The following WNT8B variants were observed in gnomAD, a reference collection of about 807,000 sequenced individuals.
The protein encoded by WNT8B is protein Wnt-8b.
A neutral mutation model predicts 36.6 loss-of-function variants in WNT8B; 24 were observed. The observed-to-expected ratio is 0.66, with a 90% CI of 0.48 to 0.92. The LOEUF is 0.92. Ranked by LOEUF, WNT8B falls within the 40% of genes least tolerant of loss-of-function variation. WNT8B has a pLI of 0.00. For missense variants in WNT8B, 402 were observed against 470.8 expected, an observed-to-expected ratio of 0.85 and a Z score of 1.35; for synonymous variants, 199 against 189.8, an observed-to-expected ratio of 1.05 and a Z score of -0.40.
chr10:100,471,259 T>A (rs1291024602), intron 1 of WNT8B, among the ~76,000 whole-genome samples: 1 of 152,220 alleles, frequency 6.6e-6, no homozygotes, highest in African/African-American at 2.4e-5. Flanking sequence ...TCAAAACATA[T>A]CCCTGTCATG....
Position 100,481,027 on chromosome 10 carries a change from A to T in WNT8B, c.271A>T (p.Ile91Phe). 6.2e-7 allele frequency: 1 copy of T among 1,614,048 alleles called. No homozygotes were observed. Reference sequence around the variant, plus strand: ...TCGGGAGACAGCATTTGTGCATGCCATCAGTTCTGCTGGAGTCATGTACAC... The same window carrying T: ...TCGGGAGACAGCATTTGTGCATGCCTTCAGTTCTGCTGGAGTCATGTACAC... ...ANRETAFVHA[I>F]SSAGVMYTLT... The change falls in exon 4 of 6, where the codon ATC becomes TTC. Residue 91 changes from isoleucine to phenylalanine, a missense_variant. This residue lies in a region of WNT8B where 131 missense variants were observed against 152.6 expected (regional missense o/e 0.86). Transcript: ENST00000343737.
At chr10:100,472,838 C>T (rs1417050429) in intron 1 of WNT8B, among the ~76,000 whole-genome samples, 2 of 152,328 alleles carry the variant, frequency 1.3e-5, no homozygotes, top group East Asian at 3.9e-4. Context: ...ATAGCACTAA[C>T]CTCTGTGTAC....
At chr10:100,473,077 T>A (rs1182949048) in intron 1 of WNT8B, among the ~76,000 whole-genome samples, 2 of 152,200 alleles carry the variant, frequency 1.3e-5, no homozygotes, top group Non-Finnish European at 2.9e-5. Flanking sequence ...TATAGGCACT[T>A]ACTATGTTCA....
chr10:100,482,796 A>G lies in WNT8B; in HGVS notation c.1036A>G (p.Lys346Glu). 2 of 1,579,510 alleles carry G rather than the reference A, an allele frequency of 1.3e-6. No individual in the cohort carries two copies. Among genetic ancestry groups the G allele is most frequent in the Non-Finnish European group, 8.6e-7 (1 of 1,161,320 alleles). The change falls in exon 6 of 6, where the codon AAA (lysine) becomes GAA (glutamate). Residue 346 changes from lysine to glutamate, a missense_variant. By Grantham distance (56) the Lys-to-Glu change is moderately conservative. Around this residue, in one of 3 missense-constraint regions of WNT8B, gnomAD observed 256 missense variants for 278.6 expected, o/e 0.92. Transcript: ENST00000343737. The surrounding 1 kb of genome is among the most constrained non-coding windows in gnomAD (Gnocchi z 6.6). Reference protein sequence around the residue: ...AERPRGGAAHKPGRKP With the variant: ...AERPRGGAAHEPGRKP ...GCGGCCGCGGGGGGGCGCTGCGCAC[A>G]AACCCGGGAGAAAACCCTAAGGGTT...
chr10:100,482,400 G>A lies in WNT8B; in HGVS notation c.640G>A (p.Ala214Thr). 2.5e-6 allele frequency: 4 copies of A among 1,607,290 alleles called. No homozygotes were observed. Among genetic ancestry groups the A allele is most frequent in the Non-Finnish European group, 3.4e-6 (4 of 1,179,968 alleles). ...CGCGCACCTGAAGGAGAAGTACCAC[G>A]CAGCACTCAAGGTGGACCTGCTGCA... ...VGAHLKEKYH[A>T]ALKVDLLQGA... is the part of the protein sequence containing the mutation. Residue 214 changes from alanine (A) to threonine (T), a missense_variant, in exon 6 of 6, where the codon GCA becomes ACA. Physicochemically the swap from Ala to Thr is moderately conservative, Grantham distance 58. Around this residue, in one of 3 missense-constraint regions of WNT8B, gnomAD observed 256 missense variants for 278.6 expected, o/e 0.92. Transcript: ENST00000343737. The surrounding 1 kb of genome is among the most constrained non-coding windows in gnomAD (Gnocchi z 6.6).
rs1227225526 is a variant in WNT8B, at chr10:100,483,337, C to A, written c.*521C>A. On this transcript the variant is annotated 3_prime_UTR_variant, in exon 6 of 6. Coordinates refer to ENST00000343737, the MANE Select transcript of WNT8B (RefSeq NM_003393.4). ...TCTCTCCTCTTCTCCCTTTCCTTTC[C>A]CAGAAAAACTGAGGAAACTGGCCCC... is the stretch of plus-strand genomic sequence containing the variant. 1 of 152,604 alleles carries A rather than the reference C, an allele frequency of 6.6e-6. No homozygotes were observed. The highest frequency in any genetic ancestry group is 1.5e-5 in the Non-Finnish European group (1 of 68,386). 9.5% of individuals were successfully genotyped at this position (152,604 alleles called of 1,614,324 possible). A position where few individuals can be genotyped will look rare whatever the true frequency, so the allele number is the denominator to read the frequency against.
At position 100,482,019 on chromosome 10, in the gene WNT8B, G is replaced by A; in HGVS notation, c.475G>A (p.Ala159Thr). 1 of 1,614,202 alleles carries A rather than the reference G, an allele frequency of 6.2e-7. No individual in the cohort carries two copies. Among genetic ancestry groups the A allele is most frequent in the Non-Finnish European group, 8.5e-7 (1 of 1,180,022 alleles). Residue 159 changes from alanine (A) to threonine (T), a missense_variant, in exon 5 of 6, where the codon GCC (alanine) becomes ACC (threonine). Around this residue, in one of 3 missense-constraint regions of WNT8B, gnomAD observed 256 missense variants for 278.6 expected, o/e 0.92. Transcript: ENST00000343737. This position sits in a 1 kb window ranked among gnomAD's most constrained non-coding sequence, Gnocchi z 6.6. ...ALETGQDARA[A>T]MNLHNNEAGR... ...GGAAACAGGACAGGATGCACGGGCA[G>A]CCATGAACCTGCACAACAACGAGGC... is the stretch of plus-strand genomic sequence containing the variant.
chr10:100,482,920 G>C lies in WNT8B; in HGVS notation c.*104G>C, dbSNP rs757665236. The C allele has an allele frequency of 7.4e-5, 96 of 1,296,180 alleles. No individual in the cohort carries two copies. Among genetic ancestry groups the C allele is most frequent in the Non-Finnish European group, 9.5e-5 (93 of 973,850 alleles). 80.3% of individuals were successfully genotyped at this position (1,296,180 alleles called of 1,614,324 possible). ...TGGGGAACCCGCTCTCCCAGACCTA[G>C]GGATCCTGAGAGGGAGAGACTGCAA... is the stretch of plus-strand genomic sequence containing the variant. On this transcript the variant is annotated 3_prime_UTR_variant, in exon 6 of 6. Transcript: ENST00000343737. The surrounding 1 kb of genome is among the most constrained non-coding windows in gnomAD (Gnocchi z 6.6).
intron 3 of WNT8B, 101 bp downstream of exon 3, chr10:100,480,113 T>C (rs542546397): frequency 1.6e-4 from 220 of 1,385,838 alleles, no homozygotes; most frequent in Non-Finnish European, 2.0e-4. Context: ...CCTCACCTGC[T>C]CTCTTCTCTT....
rs1851149312 is a variant in WNT8B at position 100,483,710 on chromosome 10, A to C, written c.*894A>C. 6.6e-6 allele frequency: 1 copy of C among 152,192 alleles called. No homozygotes were observed. Among genetic ancestry groups the C allele is most frequent in the Admixed American group, 6.5e-5 (1 of 15,284 alleles). The allele number at this position is 152,192 out of a possible 1,614,324, so 9.4% of individuals were successfully genotyped here. A position where few individuals can be genotyped will look rare whatever the true frequency, so the allele number is the denominator to read the frequency against. On this transcript the variant is annotated 3_prime_UTR_variant, in exon 6 of 6. Coordinates refer to ENST00000343737, the MANE Select transcript of WNT8B (RefSeq NM_003393.4). The stretch of plus-strand genomic sequence containing the variant: ...AGCCAAGACTGAGGTAAATAAAGCC[A>C]CTTTCCTCTTCAGATCCTGGTCTGC...
At chr10:100,470,337 T>C (rs945044980) in intron 1 of WNT8B, among the ~76,000 whole-genome samples, 1 of 152,178 alleles carries the variant, frequency 6.6e-6, no homozygotes, top group African/African-American at 2.4e-5. Flanking sequence ...CTTTTTAAAA[T>C]ATCATCATTA....
In WNT8B at chr10:100,463,056, G is replaced by C. The variant is rs1467512409; in HGVS notation, c.-113G>C. 4.2e-6 allele frequency: 4 copies of C among 950,862 alleles called. No individual in the cohort carries two copies. The highest frequency in any genetic ancestry group is 6.6e-6 in the Non-Finnish European group (4 of 610,602). The allele number at this position is 950,862 out of a possible 1,614,324, so 58.9% of individuals were successfully genotyped here. A position where few individuals can be genotyped will look rare whatever the true frequency, so the allele number is the denominator to read the frequency against. The stretch of plus-strand genomic sequence containing the variant: ...TGTTTGGGATCGCTTACACACCAAG[G>C]AAGTTGGGCTTTGAGAATTCCATCC... On this transcript the variant is annotated 5_prime_UTR_variant, in exon 1 of 6. Transcript: ENST00000343737.
Position 100,478,077 on chromosome 10 carries a change from C to T in WNT8B, c.69-975C>T, listed in dbSNP as rs563216834. Among the ~76,000 whole-genome samples, 53 of 152,226 alleles carry T rather than the reference C, an allele frequency of 3.5e-4. No individual in the cohort carries two copies. The South Asian group carries it at 0.011, about 30-fold the overall frequency. ...GGGATTATGGGCGTGAGCCACTGTG[C>T]CCAGCCCATTTTTAGTTTTAAAAGG... is the stretch of plus-strand genomic sequence containing the variant. On this transcript the variant is annotated intron_variant, in intron 1 of 5. Transcript: ENST00000343737.
intron 1 of WNT8B, among the ~76,000 whole-genome samples, chr10:100,473,274 T>C (rs1275909202): frequency 6.6e-6 from 1 of 152,238 alleles, no homozygotes; most frequent in African/African-American, 2.4e-5. Context: ...AATAATAGCT[T>C]TATTGAAATA....
At position 100,469,471 on chromosome 10, in the gene WNT8B, C is replaced by T. The variant is rs180684743; in HGVS notation, c.68+6235C>T. ...TAACTTCTACCTCCTAATCCCTTCC[C>T]CTAGTTAAATAGGAAAGCCTGATTT... On this transcript the variant is annotated intron_variant, in intron 1 of 5. Transcript: ENST00000343737. 4.3e-3 allele frequency among the ~76,000 whole-genome samples: 652 copies of T among 152,292 alleles called. 2 individuals are homozygous for T. The highest frequency in any genetic ancestry group is 0.014 in the African/African-American group (600 of 41,554).
chr10:100,467,378 G>C (rs1433428809), intron 1 of WNT8B, among the ~76,000 whole-genome samples: 2 of 151,980 alleles, frequency 1.3e-5, no homozygotes. Context: ...GCACATTATG[G>C]GGCTATATTC....
intron 1 of WNT8B, among the ~76,000 whole-genome samples, chr10:100,478,380 C>G (rs1302987854): frequency 6.6e-6 from 1 of 152,048 alleles, no homozygotes; most frequent in East Asian, 1.9e-4. Flanking sequence ...TTAACAAGAT[C>G]AACATGTAAA....
intron 1 of WNT8B, among the ~76,000 whole-genome samples, chr10:100,478,417 T>C (rs769558149): frequency 8.5e-5 from 13 of 152,074 alleles, no homozygotes; most frequent in Non-Finnish European, 1.9e-4. Context: ...ATAAGGAACA[T>C]AGTCAGGAGT....
At position 100,482,090 on chromosome 10, in the gene WNT8B, G is replaced by C; in HGVS notation, c.510+36G>C. ...CAGCCCTTGGAAATAGGCAGCTGCT[G>C]GCTATATCCACTACCAGCTCCAGGT... is the stretch of plus-strand genomic sequence containing the variant. On this transcript the variant is annotated intron_variant, in intron 5 of 5. Coordinates refer to ENST00000343737, the MANE Select transcript of WNT8B (RefSeq NM_003393.4). This position sits in a 1 kb window ranked among gnomAD's most constrained non-coding sequence, Gnocchi z 6.6. The C allele has an allele frequency of 6.2e-7, 1 of 1,612,504 alleles. No individual in the cohort carries two copies.
Sources: allele counts gnomAD v4.1 joint callset (sites outside exome capture counted in the v4.1 genomes callset), GRCh38; gene constraint gnomAD v4.1.1; regional missense constraint gnomAD v4.1.1; non-coding constraint Gnocchi (gnomAD v3.1); transcripts MANE v1.5; gene names NCBI Gene and HGNC (gene_info 2026-07-23, HGNC 2026-07-21).